EPHA5: variants seen among roughly 807,000 people sequenced by gnomAD.
EPHA5 encodes ephrin type-A receptor 5.
A neutral mutation model predicts 105.0 loss-of-function variants in EPHA5; 60 were observed. The observed-to-expected ratio is 0.57, with a 90% CI of 0.46 to 0.71. The LOEUF is 0.71. EPHA5 is among the 30% of genes least tolerant of loss of function. The probability of loss-of-function intolerance (pLI) is 0.00; values close to 1 mark genes in which losing one functional copy is unlikely to be tolerated. For missense variants in EPHA5, 1,218 were observed against 1,274.7 expected (o/e 0.96, Z 0.68); for synonymous variants, 513 against 449.1 (o/e 1.14, Z -1.80).
At chr4:65,611,145 A>G (rs1744722353) in intron 2 of EPHA5, among the ~76,000 whole-genome samples, 1 of 152,180 alleles carries the variant, frequency 6.6e-6, no homozygotes, top group African/African-American at 2.4e-5. Context: ...ACAAACACAT[A>G]TATGCACACA....
chr4:65,633,012 A>G (rs1746789414), intron 2 of EPHA5, among the ~76,000 whole-genome samples: 1 of 152,070 alleles, frequency 6.6e-6, no homozygotes, highest in Admixed American at 6.6e-5. Flanking sequence ...TGGGGGATAT[A>G]GGATCACAAA....
At chr4:65,664,578 T>C (rs1440066799) in intron 1 of EPHA5, among the ~76,000 whole-genome samples, 1 of 151,914 alleles carries the variant, frequency 6.6e-6, no homozygotes, top group Non-Finnish European at 1.5e-5. Context: ...TCCCATTAGG[T>C]ATATAAGTAT....
chr4:65,498,566 T>G (rs1021452037), intron 3 of EPHA5, among the ~76,000 whole-genome samples: 6 of 151,770 alleles, frequency 4.0e-5, no homozygotes, highest in Admixed American at 1.3e-4. Flanking sequence ...TAGTGATCAA[T>G]AAAACGAGGG....
chr4:65,664,188 T>TA (rs1232829653), intron 1 of EPHA5, among the ~76,000 whole-genome samples: 1 of 151,868 alleles, frequency 6.6e-6, no homozygotes, highest in Non-Finnish European at 1.5e-5. Context: ...ATCAAATACT[T>TA]AAAAAATAGA....
At chr4:65,522,175 A>C (rs2149282759) in intron 3 of EPHA5, among the ~76,000 whole-genome samples, 1 of 151,954 alleles carries the variant, frequency 6.6e-6, no homozygotes, top group South Asian at 2.1e-4. Flanking sequence ...GTATCTTTCA[A>C]GGAGGCTTTG....
chr4:65,524,200 G>A (rs988220916), intron 3 of EPHA5, among the ~76,000 whole-genome samples: 1 of 151,608 alleles, frequency 6.6e-6, no homozygotes, highest in Admixed American at 6.6e-5. Context: ...AACATGTATG[G>A]GTACAATTTT....
chr4:65,621,298 C>T (rs1181651280), intron 2 of EPHA5, among the ~76,000 whole-genome samples: 1 of 152,082 alleles, frequency 6.6e-6, no homozygotes, highest in African/African-American at 2.4e-5. Flanking sequence ...AGACCAGAAG[C>T]AGCATATGTC....
intron 5 of EPHA5, among the ~76,000 whole-genome samples, chr4:65,486,551 C>T (rs760844780): frequency 6.6e-6 from 1 of 152,082 alleles, no homozygotes; most frequent in Non-Finnish European, 1.5e-5. Flanking sequence ...AAAAAAGAAA[C>T]ATATTTCCTG....
chr4:65,553,435 T>C (rs758761185), intron 3 of EPHA5, among the ~76,000 whole-genome samples: 12 of 152,066 alleles, frequency 7.9e-5, no homozygotes, highest in Non-Finnish European at 1.3e-4. Context: ...AAACTTCTGT[T>C]ACTCAATAAT....
chr4:65,573,979 T>G, intron 3 of EPHA5: 2 of 1,588,812 alleles, frequency 1.3e-6, no homozygotes, highest in Non-Finnish European at 1.7e-6. Context: ...AGTGGCTTAT[T>G]ACTTGTGACT....
At chr4:65,358,371 G>A (rs1011893319) in intron 11 of EPHA5, among the ~76,000 whole-genome samples, 1 of 151,482 alleles carries the variant, frequency 6.6e-6, no homozygotes, top group African/African-American at 2.4e-5. Context: ...TTTAAGACTT[G>A]TAAATGATTA....
chr4:65,644,757 A>T (rs1560814860), intron 1 of EPHA5, among the ~76,000 whole-genome samples: 1 of 152,042 alleles, frequency 6.6e-6, no homozygotes, highest in East Asian at 1.9e-4. Context: ...TGCATATCTT[A>T]TAAACCACAT....
intron 3 of EPHA5, among the ~76,000 whole-genome samples, chr4:65,569,050 T>C (rs1739849228): frequency 6.6e-6 from 1 of 151,412 alleles, no homozygotes; most frequent in Non-Finnish European, 1.5e-5. Context: ...TTTCAGAGAA[T>C]AATGTACTTA....
intron 3 of EPHA5, among the ~76,000 whole-genome samples, chr4:65,590,203 C>CTTTTA (rs1409640555): frequency 1.3e-5 from 2 of 152,140 alleles, no homozygotes; most frequent in Admixed American, 6.6e-5. Context: ...CTTTTATAAA[C>CTTTTA]TACACCTTTA....
intron 3 of EPHA5, chr4:65,573,844 G>A (rs1740504951): frequency 6.2e-7 from 1 of 1,612,982 alleles, no homozygotes. Flanking sequence ...TTGAGCCACG[G>A]CAAAAAAAAA....
At chr4:65,454,197 T>G (rs1017717533) in intron 5 of EPHA5, among the ~76,000 whole-genome samples, 2 of 152,014 alleles carry the variant, frequency 1.3e-5, no homozygotes, top group Admixed American at 6.6e-5. Flanking sequence ...GAAGAATCGC[T>G]TGAACTCAGG....
chr4:65,334,682 C>T (rs1032504982), intron 15 of EPHA5, among the ~76,000 whole-genome samples: 2 of 151,744 alleles, frequency 1.3e-5, no homozygotes, highest in African/African-American at 2.4e-5. Context: ...TTTGTTTAAA[C>T]GAAACCTAGA....
At chr4:65,462,059 TATTAATACATA>T (rs1399894443) in intron 5 of EPHA5, among the ~76,000 whole-genome samples, 4 of 152,150 alleles carry the variant, frequency 2.6e-5, no homozygotes, top group Non-Finnish European at 4.4e-5. Flanking sequence ...TAGAATAGAA[TATTAATACATA>T]ATTAATACAG....
chr4:65,441,437 A>G (rs1215065218), intron 5 of EPHA5, among the ~76,000 whole-genome samples: 3 of 152,100 alleles, frequency 2.0e-5, no homozygotes, highest in African/African-American at 4.8e-5. Flanking sequence ...TTTGAAATGT[A>G]TAGATCTAAA....
Sources: gnomAD v4.1 joint callset for allele counts (sites outside exome capture counted in the v4.1 genomes callset) on GRCh38, gnomAD v4.1.1 for gene constraint, MANE v1.5 for transcripts, NCBI Gene and HGNC (gene_info 2026-07-23, HGNC 2026-07-21) for gene names.